NAV2: variants seen among roughly 807,000 people sequenced by gnomAD.
The protein encoded by NAV2 is neuron navigator 2.
A neutral mutation model predicts 223.2 loss-of-function variants in NAV2; 54 were observed. That is an observed-to-expected ratio of 0.24 (90% CI 0.19 to 0.30). NAV2 has a LOEUF of 0.30. Among genes scored for constraint, NAV2 ranks in the 10% least tolerant of loss-of-function variants. NAV2 has a pLI of 1.00. For synonymous variants in NAV2, 1,279 were observed against 1,239.3 expected (o/e 1.03, Z -0.67); for missense variants, 2,806 against 3,147.5 (o/e 0.89, Z 2.60).
chr11:19,484,127 A>C (rs76442117), intron 1 of NAV2, among the ~76,000 whole-genome samples: 1 of 144,792 alleles, frequency 6.9e-6, no homozygotes, highest in African/African-American at 2.6e-5. Context: ...ACTGATCACA[A>C]ACACACACAC....
intron 11 of NAV2, among the ~76,000 whole-genome samples, chr11:19,995,442 C>T (rs1309665005): frequency 6.6e-6 from 1 of 152,206 alleles, no homozygotes; most frequent in Non-Finnish European, 1.5e-5. Context: ...GTGGGGCCCC[C>T]TCTTGTGCAG....
At chr11:19,705,118 A>AATAAATAC (rs1198588874) in intron 1 of NAV2, among the ~76,000 whole-genome samples, 4 of 151,778 alleles carry the variant, frequency 2.6e-5, no homozygotes, top group African/African-American at 9.7e-5. Flanking sequence ...TAAATAAATA[A>AATAAATAC]ATAAGTCTTC....
chr11:19,670,314 G>A (rs1015363784), intron 1 of NAV2, among the ~76,000 whole-genome samples: 1 of 152,068 alleles, frequency 6.6e-6, no homozygotes, highest in African/African-American at 2.4e-5. Flanking sequence ...ATCTCCCCGG[G>A]CCATCACAGC....
At position 19,787,270 on chromosome 11, in the gene NAV2, C is replaced by CTTTTTTTTTT. The variant is rs757183666; in HGVS notation, c.268-45195_268-45186dup. On this transcript the variant is annotated intron_variant, in intron 1 of 37. Coordinates refer to ENST00000349880, the MANE Select transcript of NAV2 (RefSeq NM_145117.5). ...CATGCCTGGCTAATTTTTATTGGATCTTTTTTTTTTTTTTTTTTTTTTTTT... is the reference window on the plus strand; with the variant it reads ...CATGCCTGGCTAATTTTTATTGGATCTTTTTTTTTTTTTTTTTTTTTTTTTTTTTTTTTTT... 2.4e-4 allele frequency among the ~76,000 whole-genome samples: 13 copies of CTTTTTTTTTT among 55,002 alleles called. 6 individuals carry two copies. Among genetic ancestry groups the CTTTTTTTTTT allele is most frequent in the African/African-American group, 2.5e-4 (4 of 16,150 alleles). 36.1% of individuals were successfully genotyped at this position (55,002 alleles called of 152,430 possible).
intron 11 of NAV2, among the ~76,000 whole-genome samples, chr11:19,984,727 A>G (rs2050617382): frequency 6.6e-6 from 1 of 152,174 alleles, no homozygotes. Flanking sequence ...ATGGGTTTAG[A>G]CACCACATGC....
At chr11:19,846,560 C>T (rs886621718) in intron 3 of NAV2, among the ~76,000 whole-genome samples, 3 of 152,182 alleles carry the variant, frequency 2.0e-5, no homozygotes, top group African/African-American at 2.4e-5. Flanking sequence ...AAACACAACC[C>T]GGTTGGAAAC....
At chr11:19,864,233 A>G (rs899559768) in intron 3 of NAV2, among the ~76,000 whole-genome samples, 32 of 152,314 alleles carry the variant, frequency 2.1e-4, no homozygotes, top group African/African-American at 7.5e-4. Flanking sequence ...TAAGAACTAC[A>G]GTTCCATTTA....
At chr11:19,379,312 C>G (rs894385601) in intron 1 of NAV2, among the ~76,000 whole-genome samples, 2 of 152,012 alleles carry the variant, frequency 1.3e-5, no homozygotes, top group Middle Eastern at 3.2e-3. Context: ...TCAGAGGGGT[C>G]AGAGAGAGAA....
intron 1 of NAV2, among the ~76,000 whole-genome samples, chr11:19,767,334 C>G (rs748883557): frequency 1.3e-5 from 2 of 152,148 alleles, no homozygotes; most frequent in African/African-American, 2.4e-5. Flanking sequence ...GTCTCAGGAG[C>G]CCAAGGCAGG....
chr11:19,721,425 C>T (rs2050744136), intron 1 of NAV2, among the ~76,000 whole-genome samples: 1 of 152,204 alleles, frequency 6.6e-6, no homozygotes, highest in African/African-American at 2.4e-5. Flanking sequence ...ACTGGCCGGG[C>T]TGATTCTAGA....
At chr11:19,445,118 G>C (rs938384616) in intron 1 of NAV2, among the ~76,000 whole-genome samples, 2 of 152,158 alleles carry the variant, frequency 1.3e-5, no homozygotes, top group African/African-American at 4.8e-5. Context: ...GTCTGGTCCT[G>C]GGGTTGAAGA....
At chr11:19,364,823 A>G (rs1198830216) in intron 1 of NAV2, among the ~76,000 whole-genome samples, 1 of 152,240 alleles carries the variant, frequency 6.6e-6, no homozygotes, top group Non-Finnish European at 1.5e-5. Context: ...AGAAGATGTC[A>G]TCATGGAATT....
chr11:19,638,597 A>G (rs2047569763), intron 1 of NAV2, among the ~76,000 whole-genome samples: 2 of 152,226 alleles, frequency 1.3e-5, no homozygotes, highest in Admixed American at 1.3e-4. Context: ...TATTATCACA[A>G]TGACAGCATA....
chr11:19,898,012 T>G (rs536356099), intron 6 of NAV2, among the ~76,000 whole-genome samples: 91 of 151,830 alleles, frequency 6.0e-4, no homozygotes, highest in African/African-American at 2.1e-3. Flanking sequence ...AATAGCTGTC[T>G]TTTTAAATAT....
chr11:19,980,105 C>T (rs1205204533), intron 10 of NAV2, among the ~76,000 whole-genome samples: 1 of 152,192 alleles, frequency 6.6e-6, no homozygotes, highest in East Asian at 1.9e-4. Flanking sequence ...GGTCTAACAA[C>T]AGTCATGTTC....
intron 4 of NAV2, among the ~76,000 whole-genome samples, chr11:19,869,298 C>A (rs1206070467): frequency 6.6e-6 from 1 of 152,144 alleles, no homozygotes; most frequent in African/African-American, 2.4e-5. Flanking sequence ...TCTAGTAATT[C>A]AGTTAATTAT....
chr11:19,851,286 T>C (rs1565427084), intron 3 of NAV2, among the ~76,000 whole-genome samples: 1 of 152,020 alleles, frequency 6.6e-6, no homozygotes, highest in Admixed American at 6.6e-5. Flanking sequence ...ATTCTACATG[T>C]AAAGGAATTG....
At chr11:19,697,355 G>A (rs943805161) in intron 1 of NAV2, among the ~76,000 whole-genome samples, 9 of 151,976 alleles carry the variant, frequency 5.9e-5, no homozygotes, top group East Asian at 1.9e-4. Context: ...TGATGGGATC[G>A]TTGAGACCCC....
chr11:20,008,640 A>G (rs1258232058), intron 11 of NAV2, among the ~76,000 whole-genome samples: 1 of 152,190 alleles, frequency 6.6e-6, no homozygotes, highest in Non-Finnish European at 1.5e-5. Context: ...GGACTTAACC[A>G]GTATAAGAGA....
Sources: gnomAD v4.1 joint callset for allele counts (sites outside exome capture counted in the v4.1 genomes callset) on GRCh38, gnomAD v4.1.1 for gene constraint, MANE v1.5 for transcripts, NCBI Gene and HGNC (gene_info 2026-07-23, HGNC 2026-07-21) for gene names.